UTY: variants seen among roughly 807,000 people sequenced by gnomAD.
The protein encoded by UTY is ubiquitously transcribed tetratricopeptide repeat containing, Y-linked.
A neutral mutation model predicts 32.5 loss-of-function variants in UTY; 12 were observed. The observed-to-expected ratio is 0.37, with a 90% CI of 0.24 to 0.60. The LOEUF (loss-of-function observed/expected upper bound fraction) is 0.60. Ranked by LOEUF, UTY falls within the 20% of genes least tolerant of loss-of-function variation. The pLI is 0.69. For missense variants in UTY, 303 were observed against 299.2 expected, an observed-to-expected ratio of 1.01 and a Z score of -0.09; for synonymous variants, 131 against 103.4, an observed-to-expected ratio of 1.27 and a Z score of -1.62.
intron 27 of UTY, among the ~76,000 whole-genome samples, chrY:13,285,814 T>A (rs774034952): frequency 2.9e-5 from 1 of 34,093 alleles, no homozygotes; most frequent in Non-Finnish European, 7.3e-5. Context: ...TCCCCCATGC[T>A]GTAGTGATTT....
At chrY:13,449,569 T>C (rs2076154942) in intron 3 of UTY, among the ~76,000 whole-genome samples, 1 of 32,551 alleles carries the variant, frequency 3.1e-5, no homozygotes, top group Non-Finnish European at 7.5e-5. Flanking sequence ...AAGTAGTTGT[T>C]CCTGACAGCC....
At chrY:13,287,625 C>CA (rs2057501678) in intron 27 of UTY, among the ~76,000 whole-genome samples, 2 of 31,711 alleles carry the variant, frequency 6.3e-5, no homozygotes, top group East Asian at 8.1e-4. Flanking sequence ...CACACACACA[C>CA]AAAAAAAGTT....
chrY:13,478,775 T>C (rs770036397), intron 2 of UTY, among the ~76,000 whole-genome samples: 1 of 33,309 alleles, frequency 3.0e-5, no homozygotes, highest in Admixed American at 2.7e-4. Flanking sequence ...ACGCATCAGT[T>C]TATAGGTCAA....
chrY:13,471,631 T>C (rs2078500311), intron 2 of UTY, among the ~76,000 whole-genome samples: 1 of 33,257 alleles, frequency 3.0e-5, no homozygotes, highest in African/African-American at 1.2e-4. Context: ...TAGATCATCC[T>C]GGTCAACATG....
chrY:13,268,912 C>T, intron 27 of UTY, among the ~76,000 whole-genome samples: 2 of 33,511 alleles, frequency 6.0e-5, no homozygotes, highest in African/African-American at 1.2e-4. Context: ...TGTCCCAGAG[C>T]GGCACTCATC....
At position 13,355,966 on chromosome Y, in the gene UTY, T is replaced by C. The variant is rs1382568406; in HGVS notation, c.1622A>G (p.His541Arg). Residue 541 changes from histidine (H) to arginine (R), a missense_variant, in exon 16 of 30, where the codon CAT becomes CGT. Transcript: ENST00000545955. ...CTGACTTTCTAACTGTTCCAGCTGA[T>C]GCTTCTGTGCTGGATTTAAATTATC... ...NRDNLNPAQK[H>R]QLEQLESQFV... 2.5e-6 allele frequency: 1 copy of C among 393,275 alleles called. No homozygotes were observed. The highest frequency in any genetic ancestry group is 7.7e-5 in the Admixed American group (1 of 12,976).
chrY:13,385,816 A>C, intron 8 of UTY, among the ~76,000 whole-genome samples: 1 of 33,056 alleles, frequency 3.0e-5, no homozygotes, highest in East Asian at 8.0e-4. Context: ...CTCTCAAAGC[A>C]CTGGGATTAC....
At chrY:13,347,439 G>C (rs2062004927) in intron 17 of UTY, among the ~76,000 whole-genome samples, 1 of 33,197 alleles carries the variant, frequency 3.0e-5, no homozygotes, top group East Asian at 7.8e-4. Flanking sequence ...AAAAGTAGGA[G>C]GGCCGGGTAC....
At chrY:13,354,161 C>T (rs779438108) in intron 17 of UTY, among the ~76,000 whole-genome samples, 35 of 33,322 alleles carry the variant, frequency 1.1e-3, no homozygotes, top group Middle Eastern at 0.014. Context: ...CCAGCACTTT[C>T]GGAGGCCGAG....
chrY:13,267,837 G>A (rs2055955446), intron 27 of UTY, among the ~76,000 whole-genome samples: 2 of 32,986 alleles, frequency 6.1e-5, no homozygotes, highest in African/African-American at 1.2e-4. Context: ...ACTTAAGAAC[G>A]TTGAATATTG....
chrY:13,318,652 G>A, intron 21 of UTY, among the ~76,000 whole-genome samples: 1 of 33,102 alleles, frequency 3.0e-5, no homozygotes, highest in Non-Finnish European at 7.4e-5. Flanking sequence ...AATTATAAGA[G>A]ATTTTTAACT....
At chrY:13,412,927 G>C in intron 5 of UTY, among the ~76,000 whole-genome samples, 1 of 33,506 alleles carries the variant, frequency 3.0e-5, no homozygotes, top group Non-Finnish European at 7.4e-5. Flanking sequence ...ACAGGGGCAG[G>C]TCCCCAGTGA....
chrY:13,357,366 C>A lies in UTY; in HGVS notation c.1569+511G>T. On this transcript the variant is annotated intron_variant, in intron 15 of 29. Transcript: ENST00000545955. ...AGGAGTTCAAGACCAGCCTGACCAA[C>A]ATGGTGAAACCCTGTCTCTACTAAA... 1.2e-4 allele frequency among the ~76,000 whole-genome samples: 4 copies of A among 32,251 alleles called. No homozygotes were observed. In the South Asian group the frequency reaches 2.8e-3, roughly 23 times the overall value. The allele number at this position is 32,251 out of a possible 37,273, so 86.5% of individuals were successfully genotyped here. A position where few individuals can be genotyped will look rare whatever the true frequency, so the allele number is the denominator to read the frequency against.
intron 3 of UTY, among the ~76,000 whole-genome samples, chrY:13,459,925 C>A (rs1003824470): frequency 1.5e-4 from 5 of 33,048 alleles, no homozygotes; most frequent in Non-Finnish European, 3.0e-4. Context: ...TTTATCAATC[C>A]CTGAACCCAA....
Position 13,355,915 on chromosome Y carries a change from A to G in UTY, c.1665+8T>C. The stretch of plus-strand genomic sequence containing the variant: ...AAATTTTAGAGAAAATAAAAATATT[A>G]TACATACTTGCTGCATTAAGACAAA... On this transcript the variant is annotated splice_region_variant and intron_variant, in intron 16 of 29. Transcript: ENST00000545955. 3 of 369,018 alleles carry G rather than the reference A, an allele frequency of 8.1e-6. No individual in the cohort carries two copies. Among genetic ancestry groups the G allele is most frequent in the Non-Finnish European group, 1.1e-5 (3 of 264,386 alleles). The allele number at this position is 369,018 out of a possible 400,897, so 92.0% of individuals were successfully genotyped here.
intron 17 of UTY, among the ~76,000 whole-genome samples, chrY:13,353,091 G>C (rs2062561686): frequency 2.9e-5 from 1 of 34,339 alleles, no homozygotes; most frequent in Non-Finnish European, 7.3e-5. Context: ...GATTTTCAAT[G>C]AAGATTACAG....
At position 13,359,808 on chromosome Y, in the gene UTY, TACA is replaced by T. The variant is rs779802033; in HGVS notation, c.1141_1143del (p.Cys381del). 5 of 398,432 alleles carry T rather than the reference TACA, an allele frequency of 1.3e-5. No homozygotes were observed. The highest frequency in any genetic ancestry group is 3.0e-5 in the South Asian group (1 of 33,756). On this transcript the variant is annotated inframe_deletion, in exon 12 of 30. Coordinates refer to ENST00000545955, the MANE Select transcript of UTY (RefSeq NM_001258249.2). ...CTTGCAGCAAGCGTAGAGGTATTAC[TACA>T]ACGTTTGCTTCTAGCTGCATTTAGG...
Position 13,479,594 on chromosome Y carries a change from T to G in UTY, c.72A>C (p.Glu24Asp), listed in dbSNP as rs375296284. Residue 24 changes from glutamate to aspartate, a missense_variant, in exon 1 of 30, where the codon GAA (glutamate) becomes GAC (aspartate). Glu to Asp is a conservative substitution (Grantham distance 45, BLOSUM62 2). Transcript: ENST00000545955. ...CTTCACTCTCGCGGCTCGCTTTTCC[T>G]TCCGCCATTTTCTTTGCCTCATCAC... ...AFGDEAKKMA[E>D]GKASRESEEE... 35 of 398,545 alleles carry G rather than the reference T, an allele frequency of 8.8e-5. No homozygotes were observed. The highest frequency in any genetic ancestry group is 1.1e-4 in the Non-Finnish European group (32 of 283,470).
At chrY:13,234,403 G>C (rs2053832269), downstream of UTY, among the ~76,000 whole-genome samples, 3 of 33,886 alleles carry the variant, frequency 8.9e-5, no homozygotes, top group South Asian at 6.6e-4. Flanking sequence ...CCTGGCTCAA[G>C]GAGCTCCCAG....
Sources: gnomAD v4.1 joint callset for allele counts (sites outside exome capture counted in the v4.1 genomes callset) on GRCh38, gnomAD v4.1.1 for gene constraint, MANE v1.5 for transcripts, NCBI Gene and HGNC (gene_info 2026-07-23, HGNC 2026-07-21) for gene names.